Variants in RALGPS1 observed in about 807,000 individuals in gnomAD.
RALGPS1 encodes the protein ras-specific guanine nucleotide-releasing factor RalGPS1.
A neutral mutation model predicts 78.8 loss-of-function variants in RALGPS1; 19 were observed. The observed-to-expected ratio is 0.24, with a 90% CI of 0.17 to 0.35. The LOEUF is 0.35. Among genes scored for constraint, RALGPS1 ranks in the 10% least tolerant of loss-of-function variants. The pLI, the probability that RALGPS1 is intolerant of heterozygous loss-of-function variation, is 1.00. For missense variants in RALGPS1, 454 were observed against 688.3 expected (o/e 0.66, Z 3.81); for synonymous variants, 228 against 256.3 (o/e 0.89, Z 1.06).
intron 4 of RALGPS1, among the ~76,000 whole-genome samples, chr9:126,986,711 G>C (rs1294026477): frequency 1.3e-5 from 2 of 152,206 alleles, no homozygotes; most frequent in African/African-American, 4.8e-5. Flanking sequence ...CTGAAAATGG[G>C]CACAGCCTGT....
intron 8 of RALGPS1, among the ~76,000 whole-genome samples, chr9:127,129,471 T>TTGTG (rs2056858114): frequency 2.0e-5 from 3 of 152,178 alleles, no homozygotes; most frequent in African/African-American, 7.2e-5. Context: ...CTTACACAGG[T>TTGTG]ACCTGCTGAA....
At chr9:127,016,444 G>A (rs1360939483) in intron 4 of RALGPS1, among the ~76,000 whole-genome samples, 1 of 152,142 alleles carries the variant, frequency 6.6e-6, no homozygotes, top group South Asian at 2.1e-4. Flanking sequence ...CAGTGGGATG[G>A]GCTGACTTTA....
At chr9:127,121,436 A>G (rs890107890) in intron 8 of RALGPS1, among the ~76,000 whole-genome samples, 4 of 152,220 alleles carry the variant, frequency 2.6e-5, no homozygotes, top group East Asian at 3.8e-4. Flanking sequence ...AATTTTCCCC[A>G]GAGAGTGGGG....
rs971069992 is a variant in RALGPS1 at position 127,074,278 on chromosome 9, G to A, written c.610+4922G>A. 3.9e-5 allele frequency among the ~76,000 whole-genome samples: 6 copies of A among 152,338 alleles called. No individual in the cohort carries two copies. In the South Asian group the frequency reaches 1.2e-3, roughly 32 times the overall value. ...TGAGAAGCCTTGCCTTTTAGTAGGG[G>A]AATATACCACTTTCATATTTGTTTC... On this transcript the variant is annotated intron_variant, in intron 8 of 18. Coordinates refer to ENST00000259351, the MANE Select transcript of RALGPS1 (RefSeq NM_014636.3).
intron 8 of RALGPS1, chr9:127,107,949 G>A: frequency 6.5e-7 from 1 of 1,545,942 alleles, no homozygotes; most frequent in African/African-American, 1.4e-5. Flanking sequence ...GGAGGCTGGT[G>A]AGAGTGGGCA....
In RALGPS1 at chr9:127,183,641, G is replaced by C. The variant is rs1221063276; in HGVS notation, c.910+8859G>C. On this transcript the variant is annotated intron_variant, in intron 11 of 18. Coordinates refer to ENST00000259351, the MANE Select transcript of RALGPS1 (RefSeq NM_014636.3). The surrounding 1 kb of genome is among the most constrained non-coding windows in gnomAD (Gnocchi z 4.0). ...AGAGACATAGTTCAACCTCCGCAGG[G>C]GGTCTGTGGAGACTCCGCCTGACTA... is the stretch of plus-strand genomic sequence containing the variant. 1.3e-5 allele frequency among the ~76,000 whole-genome samples: 2 copies of C among 152,118 alleles called. No individual in the cohort carries two copies. The highest frequency in any genetic ancestry group is 3.9e-4 in the East Asian group (2 of 5,170).
chr9:127,160,528 G>C (rs1460936580), intron 8 of RALGPS1, among the ~76,000 whole-genome samples: 1 of 152,198 alleles, frequency 6.6e-6, no homozygotes, highest in Non-Finnish European at 1.5e-5. Context: ...AGGGAGCAGA[G>C]CCCAAGCATG....
At chr9:127,145,258 G>T (rs995690924) in intron 8 of RALGPS1, among the ~76,000 whole-genome samples, 1 of 152,132 alleles carries the variant, frequency 6.6e-6, no homozygotes, top group African/African-American at 2.4e-5. Flanking sequence ...TCTCACTGTG[G>T]CCTCACAGTG....
At chr9:127,162,393 C>T (rs1331132581) in intron 8 of RALGPS1, among the ~76,000 whole-genome samples, 1 of 152,196 alleles carries the variant, frequency 6.6e-6, no homozygotes, top group East Asian at 1.9e-4. Flanking sequence ...ATAGTTTAGG[C>T]TTATACATAT....
At chr9:127,213,869 T>C (rs1297982649) in intron 17 of RALGPS1, 3 of 152,268 alleles carry the variant, frequency 2.0e-5, no homozygotes, top group Non-Finnish European at 2.9e-5. Context: ...TCCCGGGCGA[T>C]GCAGATGGCA....
At chr9:127,123,457 A>C (rs2056348641) in intron 8 of RALGPS1, among the ~76,000 whole-genome samples, 1 of 152,174 alleles carries the variant, frequency 6.6e-6, no homozygotes, top group African/African-American at 2.4e-5. Flanking sequence ...GTCACGTGGG[A>C]AGGAGCTTGG....
chr9:127,141,869 T>C (rs1315165528), intron 8 of RALGPS1, among the ~76,000 whole-genome samples: 1 of 152,254 alleles, frequency 6.6e-6, no homozygotes, highest in Non-Finnish European at 1.5e-5. Context: ...ACTTTATATG[T>C]AAATGAATCA....
chr9:127,196,577 C>T lies in RALGPS1; in HGVS notation c.1141C>T (p.Arg381Ter). 3 of 1,614,028 alleles carry T rather than the reference C, an allele frequency of 1.9e-6. No homozygotes were observed. The highest frequency in any genetic ancestry group is 1.3e-5 in the African/African-American group (1 of 75,060). The change falls in exon 13 of 19, where the codon CGA becomes TGA. Residue 381 changes from arginine (R) to a stop codon, truncating the protein, a stop_gained. Coordinates refer to ENST00000259351, the MANE Select transcript of RALGPS1 (RefSeq NM_014636.3). LOFTEE classifies it high-confidence loss of function. ...CAGTGTCCTAGAGTCCCGCAGCCCC[C>T]GAAGGGGCCTGGCTCTGACCTCCTC... ...DDSVLESRSPRRGLALTSSSA... is the reference protein window; with the variant it reads ...DDSVLESRSP
chr9:126,928,243 T>A (rs1404564349), intron 1 of RALGPS1, among the ~76,000 whole-genome samples: 1 of 152,150 alleles, frequency 6.6e-6, no homozygotes. Flanking sequence ...CAGATCCAGT[T>A]GCCACTGACC....
intron 1 of RALGPS1, among the ~76,000 whole-genome samples, chr9:126,938,489 G>A (rs1245029706): frequency 6.6e-6 from 1 of 152,142 alleles, no homozygotes; most frequent in Non-Finnish European, 1.5e-5. Context: ...TCTCTGGCAT[G>A]AGCCCAGCAT....
intron 4 of RALGPS1, among the ~76,000 whole-genome samples, chr9:127,023,033 T>A (rs764523147): frequency 6.6e-6 from 1 of 152,184 alleles, no homozygotes; most frequent in Non-Finnish European, 1.5e-5. Flanking sequence ...CAATCACTGT[T>A]GTCTCTTCCT....
rs2056287175 is a variant in RALGPS1, at chr9:127,122,960, CG to C, written c.611-43108del. The stretch of plus-strand genomic sequence containing the variant: ...CTCCCCAAAGCTCAGGCAGCTCCCG[CG>C]TGCTGCGAGGCGGAGCGCTTCCCCT... On this transcript the variant is annotated intron_variant, in intron 8 of 18. Coordinates refer to ENST00000259351, the MANE Select transcript of RALGPS1 (RefSeq NM_014636.3). The surrounding 1 kb of genome is among the most constrained non-coding windows in gnomAD (Gnocchi z 6.4). 6.6e-6 allele frequency: 1 copy of C among 152,432 alleles called. No homozygotes were observed. The highest frequency in any genetic ancestry group is 2.4e-5 in the African/African-American group (1 of 41,470). 9.4% of individuals were successfully genotyped at this position (152,432 alleles called of 1,614,324 possible).
At chr9:127,099,116 T>C (rs1372344888) in intron 8 of RALGPS1, among the ~76,000 whole-genome samples, 2 of 152,184 alleles carry the variant, frequency 1.3e-5, no homozygotes, top group African/African-American at 4.8e-5. Context: ...CTGGACCCCA[T>C]GGCTGGCCAG....
chr9:127,060,293 C>T (rs758985289), intron 7 of RALGPS1, among the ~76,000 whole-genome samples: 2 of 152,106 alleles, frequency 1.3e-5, no homozygotes, highest in African/African-American at 2.4e-5. Flanking sequence ...CCTCATGCAG[C>T]GAAGGGATCT....
Sources: allele counts gnomAD v4.1 joint callset (sites outside exome capture counted in the v4.1 genomes callset), GRCh38; gene constraint gnomAD v4.1.1; non-coding constraint Gnocchi (gnomAD v3.1); transcripts MANE v1.5; gene names NCBI Gene and HGNC (gene_info 2026-07-23, HGNC 2026-07-21).